TTC6: variants seen among roughly 807,000 people sequenced by gnomAD.
TTC6 encodes tetratricopeptide repeat domain 6, also known as tetratricopeptide repeat protein 6.
A neutral mutation model predicts 210.4 loss-of-function variants in TTC6; 172 were observed. The ratio of observed to expected loss-of-function variants is 0.82; its 90% CI spans 0.72 to 0.93. The LOEUF (loss-of-function observed/expected upper bound fraction) is 0.93, where lower values mean the gene tolerates loss of function less well. Among genes scored for constraint, TTC6 ranks in the 40% least tolerant of loss-of-function variants. The pLI, the probability that TTC6 is intolerant of heterozygous loss-of-function variation, is 0.00. For missense variants in TTC6, 2,414 were observed against 2,318.1 expected (o/e 1.04, Z -0.85); for synonymous variants, 804 against 819.6 (o/e 0.98, Z 0.32).
At chr14:37,660,040 A>G (rs1282806596) in intron 1 of TTC6, among the ~76,000 whole-genome samples, 1 of 152,086 alleles carries the variant, frequency 6.6e-6, no homozygotes, top group Non-Finnish European at 1.5e-5. Context: ...ATTTTCTCTC[A>G]TTCGGTAGGT....
chr14:37,797,605 G>A (rs777559570), intron 20 of TTC6, among the ~76,000 whole-genome samples: 2 of 151,526 alleles, frequency 1.3e-5, no homozygotes, highest in African/African-American at 2.4e-5. Flanking sequence ...TCTCTGTGGT[G>A]TCTTCTGATG....
At chr14:37,774,183 G>A (rs1361121082) in intron 14 of TTC6, among the ~76,000 whole-genome samples, 1 of 151,988 alleles carries the variant, frequency 6.6e-6, no homozygotes, top group African/African-American at 2.4e-5. Context: ...GGGTTTTCTA[G>A]GTATATAATC....
chr14:37,769,652 C>A (rs1327805190), intron 14 of TTC6, among the ~76,000 whole-genome samples: 1 of 151,692 alleles, frequency 6.6e-6, no homozygotes, highest in Non-Finnish European at 1.5e-5. Context: ...GGTGATATCC[C>A]CTTTATCATT....
intron 10 of TTC6, among the ~76,000 whole-genome samples, chr14:37,739,453 G>A (rs1253156076): frequency 2.6e-5 from 4 of 151,710 alleles, no homozygotes; most frequent in Non-Finnish European, 1.5e-5. Context: ...GTGTGTGCCT[G>A]TAGTCCCAGC....
intron 21 of TTC6, 54 bp downstream of exon 23, chr14:37,804,868 T>C: frequency 6.3e-7 from 1 of 1,588,848 alleles, no homozygotes; most frequent in Non-Finnish European, 8.6e-7. Context: ...GACTGGTTGC[T>C]TGTATGCAAT....
At chr14:37,800,361 C>T (rs1293433371) in intron 20 of TTC6, among the ~76,000 whole-genome samples, 2 of 152,094 alleles carry the variant, frequency 1.3e-5, no homozygotes, top group African/African-American at 4.8e-5. Flanking sequence ...ACAGTGCTGC[C>T]AGCTTTCTTT....
intron 1 of TTC6, among the ~76,000 whole-genome samples, chr14:37,661,036 G>GT (rs1444186054): frequency 5.9e-5 from 9 of 152,002 alleles, no homozygotes; most frequent in Admixed American, 3.9e-4. Flanking sequence ...AGGGTTGTTT[G>GT]TTTTTTTCTT....
At chr14:37,682,952 G>T in exon 3 of TTC6, 3 of 1,535,300 alleles carry the variant, frequency 2.0e-6, no homozygotes, top group Non-Finnish European at 8.7e-7. Context: ...AAGCCAAGTG[G>T]GTGTCTTTAA....
At chr14:37,789,677 T>A (rs1405770329) in intron 15 of TTC6, among the ~76,000 whole-genome samples, 1 of 148,848 alleles carries the variant, frequency 6.7e-6, no homozygotes, top group Non-Finnish European at 1.5e-5. Context: ...TGTATATATA[T>A]AAAAATATAT....
intron 1 of TTC6, among the ~76,000 whole-genome samples, chr14:37,671,817 C>T (rs1383827857): frequency 1.3e-5 from 2 of 152,012 alleles, no homozygotes; most frequent in Non-Finnish European, 2.9e-5. Flanking sequence ...GGGGCGGTTC[C>T]TCATTCTGTT....
At chr14:37,729,618 G>A (rs929829730) in intron 7 of TTC6, among the ~76,000 whole-genome samples, 3 of 152,132 alleles carry the variant, frequency 2.0e-5, no homozygotes, top group Admixed American at 6.5e-5. Flanking sequence ...GAACTGCTCC[G>A]TGGTCTGAAG....
chr14:37,673,107 T>G (rs2095761671), intron 1 of TTC6, among the ~76,000 whole-genome samples: 1 of 152,062 alleles, frequency 6.6e-6, no homozygotes. Context: ...TCAAATCACA[T>G]TTTTAGAGCC....
At position 37,753,636 on chromosome 14, in the gene TTC6, A is replaced by T. The variant is rs545921150; in HGVS notation, c.3266+401A>T. Among the ~76,000 whole-genome samples the T allele has an allele frequency of 5.3e-5, 8 of 152,238 alleles. No individual in the cohort carries two copies. The South Asian group carries it at 1.7e-3, about 32-fold the overall frequency. On this transcript the variant is annotated intron_variant, in intron 14 of 30. Transcript: ENST00000553443. ...CTGTCTACGGTGCAGTGACGCAGTCATGGCTCACTGCAGCCTGAATCTCCT... is the reference window on the plus strand; with the variant it reads ...CTGTCTACGGTGCAGTGACGCAGTCTTGGCTCACTGCAGCCTGAATCTCCT...
exon 11 of TTC6, chr14:37,748,964 G>A: frequency 1.3e-6 from 2 of 1,522,464 alleles, no homozygotes; most frequent in Non-Finnish European, 1.8e-6. Context: ...AATACTTCCG[G>A]GACAGAAGAA....
chr14:37,662,092 C>T (rs2095738649), intron 1 of TTC6, among the ~76,000 whole-genome samples: 1 of 152,234 alleles, frequency 6.6e-6, no homozygotes, highest in Non-Finnish European at 1.5e-5. Flanking sequence ...ATCATGTCAT[C>T]TGCAAACAAA....
At chr14:37,616,613 C>T (rs1323911905) in intron 2 of TTC6, among the ~76,000 whole-genome samples, 8 of 151,986 alleles carry the variant, frequency 5.3e-5, no homozygotes, top group Admixed American at 2.0e-4. Flanking sequence ...AGGAGAGTGG[C>T]GTGAACCCGG....
At chr14:37,833,486 G>C (rs2096190840) in intron 29 of TTC6, among the ~76,000 whole-genome samples, 1 of 152,120 alleles carries the variant, frequency 6.6e-6, no homozygotes, top group Non-Finnish European at 1.5e-5. Context: ...TCAGTCATGT[G>C]TGTCCTTAAT....
intron 14 of TTC6, among the ~76,000 whole-genome samples, chr14:37,771,284 G>T (rs2096017646): frequency 6.6e-6 from 1 of 151,834 alleles, no homozygotes; most frequent in Admixed American, 6.6e-5. Context: ...TATGTGTCTT[G>T]GAGTTGCTCT....
At position 37,790,747 on chromosome 14, in the gene TTC6, G is replaced by A. The variant is rs1190884900; in HGVS notation, c.3467G>A (p.Gly1156Asp). The A allele has an allele frequency of 3.9e-6, 6 of 1,534,214 alleles. No individual in the cohort carries two copies. The East Asian group carries it at 1.5e-4, about 38-fold the overall frequency. The change falls in exon 16 of 31, where the codon GGT (glycine) becomes GAT (aspartate). Residue 1156 changes from glycine to aspartate, a missense_variant. Physicochemically the swap from Gly to Asp is moderately conservative, Grantham distance 94. Transcript: ENST00000553443. ...ATAAATGATGGCTATGAGAATCTTGGTTGTTTTCTACATCGGGGAATAGTC... is the reference window on the plus strand; with the variant it reads ...ATAAATGATGGCTATGAGAATCTTGATTGTTTTCTACATCGGGGAATAGTC...
Sources: allele counts gnomAD v4.1 joint callset (sites outside exome capture counted in the v4.1 genomes callset), GRCh38; gene constraint gnomAD v4.1.1; transcripts MANE v1.5; gene names NCBI Gene and HGNC (gene_info 2026-07-23, HGNC 2026-07-21).